Variants in TRPM7 observed in about 807,000 individuals in gnomAD.
TRPM7 encodes the protein transient receptor potential cation channel subfamily M member 7.
In TRPM7, 134 loss-of-function variants were observed where a neutral mutation model predicts 229.7. The ratio of observed to expected loss-of-function variants is 0.58; its 90% confidence interval spans 0.51 to 0.67. The LOEUF is 0.67. TRPM7 is among the 30% of genes least tolerant of loss of function. The pLI is 0.00. For synonymous variants in TRPM7, 699 were observed against 715.2 expected (o/e 0.98, Z 0.36); for missense variants, 1,901 against 2,210.0 (o/e 0.86, Z 2.80).
intron 2 of TRPM7, 64 bp from the exon 3 acceptor site, chr15:50,657,883 T>A (rs2061617571): frequency 7.7e-7 from 1 of 1,296,560 alleles, no homozygotes; most frequent in Non-Finnish European, 1.1e-6. Flanking sequence ...TTAAAGTATA[T>A]AAAATACATA....
At chr15:50,563,492 G>T (rs1300438282) in intron 38 of TRPM7, among the ~76,000 whole-genome samples, 1 of 152,230 alleles carries the variant, frequency 6.6e-6, no homozygotes, top group African/African-American at 2.4e-5. Context: ...TAGCCATGAA[G>T]ACAGAGAAGA....
In TRPM7 at chr15:50,638,308, G is replaced by A. The variant is rs1301219387; in HGVS notation, c.661-715C>T. Among the ~76,000 whole-genome samples, 42 of 136,688 alleles carry A rather than the reference G, an allele frequency of 3.1e-4. 1 individual carries two copies. The highest frequency in any genetic ancestry group is 9.9e-4 in the African/African-American group (36 of 36,456). The allele number at this position is 136,688 out of a possible 152,430, so 89.7% of individuals were successfully genotyped here. A position where few individuals can be genotyped will look rare whatever the true frequency, so the allele number is the denominator to read the frequency against. On this transcript the variant is annotated intron_variant, in intron 6 of 38. Coordinates refer to ENST00000646667, the MANE Select transcript of TRPM7 (RefSeq NM_017672.6). ...CGGGAGGCGGAGCTTGCAGTGAGCC[G>A]AGATCGCGCCACTGCACTCCAGCCT...
rs1254328355 is a variant in TRPM7 at position 50,624,153 on chromosome 15, A to C, written c.1440+13T>G. On this transcript the variant is annotated intron_variant, in intron 12 of 38. Transcript: ENST00000646667. ...TAAAATGTAGTCAATAAAGAATTTT[A>C]ATGTAGACTTACAGTGTTGTAAAGT... 1 of 1,590,876 alleles carries C rather than the reference A, an allele frequency of 6.3e-7. No individual in the cohort carries two copies. The highest frequency in any genetic ancestry group is 1.4e-5 in the African/African-American group (1 of 73,658).
intron 10 of TRPM7, among the ~76,000 whole-genome samples, chr15:50,628,489 G>C (rs1200338811): frequency 6.6e-6 from 1 of 151,980 alleles, no homozygotes. Context: ...TAACTTTTTT[G>C]TAGAGACAGT....
chr15:50,675,656 ATACATAT>A, intron 1 of TRPM7, among the ~76,000 whole-genome samples: 2 of 152,360 alleles, frequency 1.3e-5, no homozygotes, highest in South Asian at 4.1e-4. Context: ...CTGGTTATAA[ATACATAT>A]AAAAATCCTA....
intron 10 of TRPM7, among the ~76,000 whole-genome samples, chr15:50,629,439 A>G (rs1291663935): frequency 6.7e-6 from 1 of 149,438 alleles, no homozygotes; most frequent in African/African-American, 2.5e-5. Context: ...CACCAGGCTA[A>G]GTTTTGTATT....
At chr15:50,619,339 G>C (rs1373077093) in intron 13 of TRPM7, among the ~76,000 whole-genome samples, 2 of 151,282 alleles carry the variant, frequency 1.3e-5, no homozygotes, top group Non-Finnish European at 2.9e-5. Flanking sequence ...TCCCACCTCA[G>C]CCTCCCGAGT....
intron 28 of TRPM7, among the ~76,000 whole-genome samples, chr15:50,585,034 T>C: frequency 6.8e-6 from 1 of 146,210 alleles, no homozygotes; most frequent in African/African-American, 2.6e-5. Context: ...CGCCACCACA[T>C]CTAGCTAATT....
In TRPM7 at chr15:50,614,216, A is replaced by G. The variant is rs1429849433; in HGVS notation, c.1542T>C (p.Leu514=). Residue 514 remains leucine, a synonymous_variant, in exon 14 of 39, where the codon CTT becomes CTC. Coordinates refer to ENST00000646667, the MANE Select transcript of TRPM7 (RefSeq NM_017672.6). ...TTCCTCCCATGAGATATTCAATAAC[A>G]AGTCCTATATCAATCAGAGTGATCT... ...GYKITLIDIG[L]VIEYLMGGTY... 1 of 1,612,836 alleles carries G rather than the reference A, an allele frequency of 6.2e-7. No homozygotes were observed. The highest frequency in any genetic ancestry group is 8.5e-7 in the Non-Finnish European group (1 of 1,179,308).
intron 22 of TRPM7, among the ~76,000 whole-genome samples, chr15:50,598,518 G>A (rs1042365699): frequency 6.6e-6 from 1 of 152,150 alleles, no homozygotes; most frequent in African/African-American, 2.4e-5. Flanking sequence ...CATTATTTTT[G>A]TAATTAACGT....
chr15:50,602,342 T>G (rs1316744935), intron 21 of TRPM7, among the ~76,000 whole-genome samples: 1 of 151,974 alleles, frequency 6.6e-6, no homozygotes, highest in African/African-American at 2.4e-5. Flanking sequence ...ACGAGAACAC[T>G]TGGACACAGG....
intron 12 of TRPM7, among the ~76,000 whole-genome samples, chr15:50,621,243 G>A (rs895692129): frequency 1.3e-5 from 2 of 151,470 alleles, no homozygotes; most frequent in Non-Finnish European, 2.9e-5. Context: ...TCCCCCACAG[G>A]TGAACTTTTT....
intron 19 of TRPM7, among the ~76,000 whole-genome samples, chr15:50,608,486 G>A (rs1432010321): frequency 6.6e-6 from 1 of 152,192 alleles, no homozygotes; most frequent in African/African-American, 2.4e-5. Context: ...AATTCCTGTA[G>A]TCACCCATGT....
chr15:50,675,147 A>G (rs2062066306), intron 1 of TRPM7, among the ~76,000 whole-genome samples: 1 of 152,180 alleles, frequency 6.6e-6, no homozygotes, highest in Non-Finnish European at 1.5e-5. Flanking sequence ...GTTTGAGACC[A>G]GCCTGGCCAA....
At chr15:50,632,603 C>T (rs961938084) in intron 9 of TRPM7, among the ~76,000 whole-genome samples, 10 of 152,180 alleles carry the variant, frequency 6.6e-5, no homozygotes, top group Non-Finnish European at 1.5e-5. Context: ...TGAACATTAT[C>T]TGTTGAGACC....
intron 10 of TRPM7, among the ~76,000 whole-genome samples, chr15:50,630,144 G>A (rs963662822): frequency 4.6e-5 from 7 of 152,214 alleles, no homozygotes; most frequent in Admixed American, 2.6e-4. Flanking sequence ...TTACAGGTGT[G>A]AGCCAGCGCA....
intron 27 of TRPM7, 29 bp downstream of exon 27, chr15:50,589,563 T>A (rs1379106816): frequency 1.4e-6 from 2 of 1,379,824 alleles, no homozygotes; most frequent in Non-Finnish European, 2.0e-6. Context: ...TAAATAGAAC[T>A]GTGGGTGTTT....
rs34122648 is a variant in TRPM7 at position 50,652,328 on chromosome 15, CAAAAAAAAAAAAAAAAA to C, written c.123-3460_123-3444del. ...AGCCTGGCTGAGTGAGACTCCATCT[CAAAAAAAAAAAAAAAAA>C]AAAAAAAAAAGAACACAATGAAACA... On this transcript the variant is annotated intron_variant, in intron 3 of 38. Transcript: ENST00000646667. Among the ~76,000 whole-genome samples the C allele has an allele frequency of 1.8e-4, 6 of 34,226 alleles. No individual in the cohort carries two copies. In the Admixed American group the frequency reaches 3.0e-3, roughly 17 times the overall value. 22.5% of individuals were successfully genotyped at this position (34,226 alleles called of 152,430 possible).
intron 21 of TRPM7, 123 bp downstream of exon 21, chr15:50,604,743 G>C: frequency 2.1e-6 from 2 of 951,020 alleles, no homozygotes; most frequent in Non-Finnish European, 3.1e-6. Context: ...TGTGAAGTAT[G>C]AGGCAAACAA....
Sources: gnomAD v4.1 joint callset for allele counts (sites outside exome capture counted in the v4.1 genomes callset) on GRCh38, gnomAD v4.1.1 for gene constraint, MANE v1.5 for transcripts, NCBI Gene and HGNC (gene_info 2026-07-23, HGNC 2026-07-21) for gene names.